Variants in COG5 observed in about 807,000 individuals in gnomAD.
COG5 encodes the protein conserved oligomeric Golgi complex subunit 5.
COG5 carries 86 observed loss-of-function variants against 110.4 expected under a neutral mutation model. The ratio of observed to expected loss-of-function variants is 0.78; its 90% confidence interval spans 0.65 to 0.93. The LOEUF is 0.93. Among genes scored for constraint, COG5 ranks in the 40% least tolerant of loss-of-function variants. The pLI is 0.00. For synonymous variants in COG5, 360 were observed against 334.6 expected (o/e 1.08, Z -0.83); for missense variants, 1,077 against 987.0 (o/e 1.09, Z -1.22).
At chr7:107,507,434 C>T (rs1341305019) in intron 6 of COG5, among the ~76,000 whole-genome samples, 2 of 148,644 alleles carry the variant, frequency 1.3e-5, no homozygotes, top group Admixed American at 6.7e-5. Context: ...GCTGGGACTA[C>T]AGGCACCCAC....
intron 7 of COG5, among the ~76,000 whole-genome samples, chr7:107,390,839 T>C (rs770727576): frequency 6.6e-6 from 1 of 150,832 alleles, no homozygotes; most frequent in African/African-American, 2.4e-5. Context: ...TAAGGCTTGA[T>C]ACAGAAAAGG....
intron 21 of COG5, among the ~76,000 whole-genome samples, chr7:107,206,109 C>T (rs1003596941): frequency 5.3e-5 from 8 of 152,078 alleles, no homozygotes; most frequent in African/African-American, 1.2e-4. Context: ...TACAGGCGCC[C>T]GCCATTGCAC....
chr7:107,440,543 T>C (rs1392881549), intron 6 of COG5, among the ~76,000 whole-genome samples: 2 of 152,284 alleles, frequency 1.3e-5, no homozygotes, highest in Middle Eastern at 3.4e-3. Flanking sequence ...AGAATGATGG[T>C]GGCCACTAGA....
At chr7:107,431,685 G>T (rs1056380088) in intron 6 of COG5, among the ~76,000 whole-genome samples, 3 of 151,968 alleles carry the variant, frequency 2.0e-5, no homozygotes, top group African/African-American at 7.3e-5. Context: ...ACCCAGGCTG[G>T]ATTGCAATGG....
At chr7:107,554,435 A>C in intron 2 of COG5, 93 bp from the exon 3 acceptor site, 2 of 1,115,726 alleles carry the variant, frequency 1.8e-6, no homozygotes, top group Non-Finnish European at 2.7e-6. Context: ...TTGGTGTAGA[A>C]ACGAGGCAAA....
chr7:107,527,290 A>C lies in COG5; in HGVS notation c.485T>G (p.Leu162Arg). The change falls in exon 6 of 22, where the codon CTG (leucine) becomes CGG (arginine). Residue 162 changes from leucine to arginine, a missense_variant. By Grantham distance (102) the Leu-to-Arg change is moderately radical. Coordinates refer to ENST00000297135, the MANE Select transcript of COG5 (RefSeq NM_006348.5). Reference sequence around the variant, plus strand: ...TGTTATCTCTCTACTTCCCCCTTGCAGTTGTCCTTGGAGTCTCTTACTGAG... The same window carrying C: ...TGTTATCTCTCTACTTCCCCCTTGCCGTTGTCCTTGGAGTCTCTTACTGAG... ...LNLSKRLQGQ[L>R]QGGSREITKA... 2 of 1,612,406 alleles carry C rather than the reference A, an allele frequency of 1.2e-6. No individual in the cohort carries two copies. Among genetic ancestry groups the C allele is most frequent in the Non-Finnish European group, 1.7e-6 (2 of 1,179,240 alleles).
At chr7:107,204,577 TACTC>T (rs925221934) in intron 21 of COG5, among the ~76,000 whole-genome samples, 7 of 152,238 alleles carry the variant, frequency 4.6e-5, no homozygotes, top group African/African-American at 1.4e-4. Context: ...TTAATACCAT[TACTC>T]AGCTCACATA....
intron 7 of COG5, 23 bp from the exon 8 acceptor site, chr7:107,372,783 T>C (rs766449277): frequency 4.1e-5 from 66 of 1,611,278 alleles, no homozygotes; most frequent in Non-Finnish European, 5.3e-5. Context: ...TGGGGTGGGG[T>C]GGAAACAGAT....
At chr7:107,309,728 ATTTAAT>A (rs1180718956) in intron 11 of COG5, among the ~76,000 whole-genome samples, 2 of 152,172 alleles carry the variant, frequency 1.3e-5, no homozygotes, top group Non-Finnish European at 2.9e-5. Context: ...ACATTCACTT[ATTTAAT>A]TTTACTTTGT....
chr7:107,392,394 A>C (rs930111504), intron 7 of COG5, among the ~76,000 whole-genome samples: 2 of 152,184 alleles, frequency 1.3e-5, no homozygotes, highest in African/African-American at 4.8e-5. Context: ...CATTTCCTAA[A>C]GACAGGGAAA....
intron 19 of COG5, among the ~76,000 whole-genome samples, chr7:107,215,122 T>C (rs955754420): frequency 5.3e-5 from 8 of 152,096 alleles, no homozygotes; most frequent in Non-Finnish European, 7.3e-5. Flanking sequence ...GGAAGCCTCA[T>C]GGTAAGTACA....
intron 7 of COG5, among the ~76,000 whole-genome samples, chr7:107,380,352 TA>T (rs920675083): frequency 2.0e-4 from 30 of 150,564 alleles, no homozygotes; most frequent in African/African-American, 5.4e-4. Flanking sequence ...GAAAAACCCT[TA>T]AAAAAAAATC....
rs67581814 is a variant in COG5 at position 107,395,541 on chromosome 7, C to CTT, written c.669+16959_669+16960dup. On this transcript the variant is annotated intron_variant, in intron 7 of 21. Coordinates refer to ENST00000297135, the MANE Select transcript of COG5 (RefSeq NM_006348.5). ...AAATCGTCTTTACCATGAAGCAGATCTTTTTTTTTTTTTTTTTTTTTTTTT... is the reference window on the plus strand; with the variant it reads ...AAATCGTCTTTACCATGAAGCAGATCTTTTTTTTTTTTTTTTTTTTTTTTTTT... Among the ~76,000 whole-genome samples the CTT allele has an allele frequency of 1.9e-3, 93 of 50,044 alleles. 1 individual carries two copies. Among genetic ancestry groups the CTT allele is most frequent in the Middle Eastern group, 0.016 (1 of 62 alleles). The allele number at this position is 50,044 out of a possible 152,430, so 32.8% of individuals were successfully genotyped here. A position where few individuals can be genotyped will look rare whatever the true frequency, so the allele number is the denominator to read the frequency against.
chr7:107,281,384 A>C lies in COG5; in HGVS notation c.1491T>G (p.Ala497=). ...CTAATGTGAGGTTTGTATCAACAGC[A>C]GCAACATTTAGTTCACTGGAGAAAA... The part of the protein sequence containing the change: ...IKTIASELNV[A]AVDTNLTLAV... The change falls in exon 14 of 22, where the codon GCT becomes GCG. Residue 497 remains alanine, a synonymous_variant. Coordinates refer to ENST00000297135, the MANE Select transcript of COG5 (RefSeq NM_006348.5). 1.2e-6 allele frequency: 2 copies of C among 1,612,960 alleles called. No individual in the cohort carries two copies. Among genetic ancestry groups the C allele is most frequent in the East Asian group, 4.5e-5 (2 of 44,776 alleles).
At chr7:107,284,227 A>G (rs573766148) in intron 12 of COG5, among the ~76,000 whole-genome samples, 1 of 152,298 alleles carries the variant, frequency 6.6e-6, no homozygotes, top group South Asian at 2.1e-4. Flanking sequence ...CCCGGCCTAT[A>G]TTAACATTTT....
At chr7:107,510,671 A>C (rs1799432177) in intron 6 of COG5, among the ~76,000 whole-genome samples, 1 of 151,194 alleles carries the variant, frequency 6.6e-6, no homozygotes, top group Non-Finnish European at 1.5e-5. Flanking sequence ...CAGCAAATGT[A>C]AACAGAAATT....
chr7:107,309,054 G>C (rs1244901080), intron 11 of COG5, among the ~76,000 whole-genome samples: 1 of 148,916 alleles, frequency 6.7e-6, no homozygotes, highest in African/African-American at 2.5e-5. Flanking sequence ...AAGTGATAAA[G>C]GGGTTCAGTA....
intron 10 of COG5, among the ~76,000 whole-genome samples, chr7:107,345,881 A>G (rs953321801): frequency 3.3e-5 from 5 of 152,216 alleles, no homozygotes; most frequent in African/African-American, 1.2e-4. Flanking sequence ...TCATTTCAGC[A>G]TATTTTGCTA....
intron 6 of COG5, among the ~76,000 whole-genome samples, chr7:107,445,307 A>G (rs1204713379): frequency 1.3e-5 from 2 of 152,218 alleles, no homozygotes; most frequent in East Asian, 1.9e-4. Flanking sequence ...ACACATTTCT[A>G]AAGGTTTAAG....
Sources: allele counts gnomAD v4.1 joint callset (sites outside exome capture counted in the v4.1 genomes callset), GRCh38; gene constraint gnomAD v4.1.1; transcripts MANE v1.5; gene names NCBI Gene and HGNC (gene_info 2026-07-23, HGNC 2026-07-21).